The following ITGAV variants were observed in gnomAD, a reference collection of about 807,000 sequenced individuals.
ITGAV encodes integrin alpha-V.
Under a neutral mutation model 143.8 loss-of-function variants are expected in ITGAV, and 76 were observed. The ratio of observed to expected loss-of-function variants is 0.53; its 90% CI spans 0.44 to 0.64. The LOEUF is 0.64. Ranked by LOEUF, ITGAV falls within the 30% of genes least tolerant of loss-of-function variation. The pLI is 0.00. For missense variants in ITGAV, 1,193 were observed against 1,274.7 expected, an observed-to-expected ratio of 0.94 and a Z score of 0.98; for synonymous variants, 453 against 446.7, an observed-to-expected ratio of 1.01 and a Z score of -0.18.
chr2:186,665,273 G>C (rs1688858932), intron 21 of ITGAV, 55 bp downstream of exon 21: 2 of 1,113,906 alleles, frequency 1.8e-6, no homozygotes, highest in Non-Finnish European at 2.7e-6. Context: ...AAAGCATATT[G>C]TTGTCTGGGC....
At position 186,655,110 on chromosome 2, in the gene ITGAV, G is replaced by A. The variant is rs1688547084; in HGVS notation, c.1564+402G>A. On this transcript the variant is annotated intron_variant, in intron 16 of 29. Transcript: ENST00000261023. ...GGAGTAGAGGTGGTTTAGAAATAGT[G>A]AGAAGGAGGAGAAAAAGTTTTGGTC... Among the ~76,000 whole-genome samples, 3 of 152,122 alleles carry A rather than the reference G, an allele frequency of 2.0e-5. No individual in the cohort carries two copies. In the South Asian group the frequency reaches 6.2e-4, roughly 32 times the overall value.
At chr2:186,599,951 G>A (rs1376871731) in intron 1 of ITGAV, among the ~76,000 whole-genome samples, 1 of 152,050 alleles carries the variant, frequency 6.6e-6, no homozygotes, top group Non-Finnish European at 1.5e-5. Context: ...CCTGAGCTGC[G>A]GCCAGTCCTT....
chr2:186,656,787 T>C (rs1302914273), intron 17 of ITGAV, among the ~76,000 whole-genome samples: 1 of 152,106 alleles, frequency 6.6e-6, no homozygotes, highest in Admixed American at 6.6e-5. Context: ...TGGCAAAGGA[T>C]GAAGCCTAAG....
intron 1 of ITGAV, among the ~76,000 whole-genome samples, chr2:186,597,623 G>A (rs1399494336): frequency 6.6e-6 from 1 of 152,150 alleles, no homozygotes; most frequent in African/African-American, 2.4e-5. Flanking sequence ...TTGTAAGACA[G>A]GGGTCCCCAA....
At chr2:186,641,008 A>G (rs200952368) in intron 11 of ITGAV, 41 bp downstream of exon 11, 12 of 1,379,200 alleles carry the variant, frequency 8.7e-6, no homozygotes, top group South Asian at 7.4e-5. Flanking sequence ...TTATCTTCTC[A>G]TGTTTACGAA....
At chr2:186,628,169 ATC>A (rs1246383635) in intron 4 of ITGAV, among the ~76,000 whole-genome samples, 1 of 152,170 alleles carries the variant, frequency 6.6e-6, no homozygotes, top group African/African-American at 2.4e-5. Context: ...AGTGTTTTTT[ATC>A]TGTTTCATAC....
At chr2:186,629,714 A>G (rs957041943) in intron 4 of ITGAV, among the ~76,000 whole-genome samples, 4 of 152,048 alleles carry the variant, frequency 2.6e-5, no homozygotes, top group Non-Finnish European at 4.4e-5. Flanking sequence ...CTGAAAACAG[A>G]TATTTTTGGT....
chr2:186,590,438 G>C lies in ITGAV; in HGVS notation c.100G>C (p.Asp34His). The change falls in exon 1 of 30, where the codon GAC becomes CAC. Residue 34 changes from aspartate to histidine, a missense_variant. Coordinates refer to ENST00000261023, the MANE Select transcript of ITGAV (RefSeq NM_002210.5). ...ACCTCTGTGCCGCGCCTTCAACCTAGACGTGGACAGTCCTGCCGAGTACTC... is the reference window on the plus strand; with the variant it reads ...ACCTCTGTGCCGCGCCTTCAACCTACACGTGGACAGTCCTGCCGAGTACTC... The part of the protein sequence containing the change: ...LLPLCRAFNL[D>H]VDSPAEYSGP... 1 of 1,613,174 alleles carries C rather than the reference G, an allele frequency of 6.2e-7. No homozygotes were observed. The highest frequency in any genetic ancestry group is 8.5e-7 in the Non-Finnish European group (1 of 1,179,828).
chr2:186,633,445 A>C (rs1687871398), intron 6 of ITGAV, 71 bp downstream of exon 6: 8 of 783,382 alleles, frequency 1.0e-5, no homozygotes, highest in Admixed American at 2.1e-5. Context: ...TTGTATGCCT[A>C]TGACATTTTA....
chr2:186,652,311 T>G (rs1286583362), intron 15 of ITGAV, among the ~76,000 whole-genome samples: 1 of 152,190 alleles, frequency 6.6e-6, no homozygotes, highest in African/African-American at 2.4e-5. Flanking sequence ...CACCTTGGCC[T>G]TTATAGTAGC....
At chr2:186,650,078 G>A (rs1050905021) in intron 14 of ITGAV, among the ~76,000 whole-genome samples, 193 bp downstream of exon 14, 7 of 152,004 alleles carry the variant, frequency 4.6e-5, no homozygotes, top group Non-Finnish European at 7.4e-5. Context: ...TATTTATGGG[G>A]TACATGTGAT....
chr2:186,667,105 T>C lies in ITGAV; in HGVS notation c.2247-45T>C, dbSNP rs764664848. 9.6e-6 allele frequency: 14 copies of C among 1,461,776 alleles called. No homozygotes were observed. The East Asian group carries it at 1.8e-4, about 19-fold the overall frequency. The allele number at this position is 1,461,776 out of a possible 1,614,324, so 90.6% of individuals were successfully genotyped here. A position where few individuals can be genotyped will look rare whatever the true frequency, so the allele number is the denominator to read the frequency against. On this transcript the variant is annotated intron_variant, in intron 22 of 29. Transcript: ENST00000261023. ...TGGGTTTGCCTCTGTATGTTCTTGG[T>C]TGTTATGCATAATTCATTTTTAAGT...
At chr2:186,622,887 C>G (rs945542170) in intron 3 of ITGAV, among the ~76,000 whole-genome samples, 1 of 152,022 alleles carries the variant, frequency 6.6e-6, no homozygotes, top group Non-Finnish European at 1.5e-5. Flanking sequence ...TGCAGCCTCC[C>G]GAGTAGCTGG....
At chr2:186,608,234 G>T (rs758014564) in intron 2 of ITGAV, among the ~76,000 whole-genome samples, 5 of 152,146 alleles carry the variant, frequency 3.3e-5, no homozygotes, top group African/African-American at 1.2e-4. Context: ...GTAGATTGGT[G>T]CTTCATATGG....
chr2:186,666,810 T>A (rs1368615292), intron 22 of ITGAV, 27 bp downstream of exon 22: 4 of 1,182,130 alleles, frequency 3.4e-6, no homozygotes, highest in Non-Finnish European at 2.4e-6. Flanking sequence ...TATTCACTTA[T>A]AACTATCAAA....
chr2:186,664,762 A>G, intron 20 of ITGAV, 121 bp downstream of exon 20: 6 of 1,149,946 alleles, frequency 5.2e-6, no homozygotes, highest in Non-Finnish European at 7.6e-6. Flanking sequence ...AAATTGATAG[A>G]CAATGGAGTG....
At chr2:186,595,742 T>C (rs985874383) in intron 1 of ITGAV, among the ~76,000 whole-genome samples, 1 of 152,124 alleles carries the variant, frequency 6.6e-6, no homozygotes, top group African/African-American at 2.4e-5. Context: ...GACATACTTT[T>C]TGGAGGGAAA....
intron 23 of ITGAV, among the ~76,000 whole-genome samples, 171 bp downstream of exon 23, chr2:186,667,401 T>C (rs1329209826): frequency 1.3e-5 from 2 of 152,224 alleles, no homozygotes; most frequent in Admixed American, 1.3e-4. Flanking sequence ...CCCCCAATAC[T>C]GGGTGATCCT....
intron 18 of ITGAV, among the ~76,000 whole-genome samples, chr2:186,660,198 A>G (rs1479650457): frequency 6.6e-6 from 1 of 152,064 alleles, no homozygotes; most frequent in Non-Finnish European, 1.5e-5. Flanking sequence ...TGTTATCACT[A>G]CTTTTGATTA....
Sources: allele counts gnomAD v4.1 joint callset (sites outside exome capture counted in the v4.1 genomes callset), GRCh38; gene constraint gnomAD v4.1.1; transcripts MANE v1.5; gene names NCBI Gene and HGNC (gene_info 2026-07-23, HGNC 2026-07-21).